Variants in MMP16 observed in about 807,000 individuals in gnomAD.
MMP16 encodes matrix metalloproteinase-16.
A neutral mutation model predicts 67.8 loss-of-function variants in MMP16; 12 were observed. That is an observed-to-expected ratio of 0.18 (90% CI 0.11 to 0.29). The LOEUF (loss-of-function observed/expected upper bound fraction) is 0.29. MMP16 is among the 10% of genes least tolerant of loss of function. The probability of loss-of-function intolerance (pLI) is 1.00; values close to 1 mark genes in which losing one functional copy is unlikely to be tolerated. For missense variants in MMP16, 475 were observed against 765.7 expected, an observed-to-expected ratio of 0.62 and a Z score of 4.48; for synonymous variants, 249 against 255.9, an observed-to-expected ratio of 0.97 and a Z score of 0.26.
intron 1 of MMP16, among the ~76,000 whole-genome samples, chr8:88,287,049 C>A (rs1317442210): frequency 6.6e-6 from 1 of 152,168 alleles, no homozygotes; most frequent in African/African-American, 2.4e-5. Flanking sequence ...ACTTTCTCCA[C>A]ACTGCAACAT....
intron 4 of MMP16, among the ~76,000 whole-genome samples, chr8:88,159,690 G>A (rs555879660): frequency 6.6e-6 from 1 of 152,244 alleles, no homozygotes; most frequent in African/African-American, 2.4e-5. Context: ...TGGTGAGAGA[G>A]GGCATCCCTG....
chr8:88,086,111 A>C (rs1396940414), intron 6 of MMP16, among the ~76,000 whole-genome samples: 7 of 151,880 alleles, frequency 4.6e-5, no homozygotes, highest in Admixed American at 3.9e-4. Flanking sequence ...CGAGCTGGGG[A>C]GTAAGTGAAA....
chr8:88,224,268 T>G (rs1047906631), intron 1 of MMP16, among the ~76,000 whole-genome samples: 2 of 152,048 alleles, frequency 1.3e-5, no homozygotes, highest in Non-Finnish European at 2.9e-5. Context: ...TCTTAATACC[T>G]CTTTAAGAAT....
chr8:88,250,594 C>A (rs1478842853), intron 1 of MMP16, among the ~76,000 whole-genome samples: 1 of 151,798 alleles, frequency 6.6e-6, no homozygotes, highest in Non-Finnish European at 1.5e-5. Flanking sequence ...TGAACAATAT[C>A]TATCCTATAC....
intron 6 of MMP16, among the ~76,000 whole-genome samples, chr8:88,109,410 TA>T (rs1809296853): frequency 6.6e-6 from 1 of 151,308 alleles, no homozygotes; most frequent in African/African-American, 2.4e-5. Flanking sequence ...AAAGATAAAA[TA>T]AATAAATGCT....
chr8:88,099,160 A>AT (rs892631362), intron 6 of MMP16, among the ~76,000 whole-genome samples: 13 of 151,724 alleles, frequency 8.6e-5, no homozygotes, highest in East Asian at 3.9e-4. Flanking sequence ...GAATATAAGA[A>AT]TTTTTTTATA....
intron 1 of MMP16, among the ~76,000 whole-genome samples, chr8:88,270,402 G>A (rs1810546412): frequency 6.6e-6 from 1 of 152,190 alleles, no homozygotes; most frequent in Non-Finnish European, 1.5e-5. Flanking sequence ...AATAAGGTCT[G>A]CAATAGCGTA....
At chr8:88,314,542 C>T (rs2130073363) in intron 1 of MMP16, among the ~76,000 whole-genome samples, 1 of 152,252 alleles carries the variant, frequency 6.6e-6, no homozygotes, top group Non-Finnish European at 1.5e-5. Context: ...TTCCAGTCTT[C>T]CTTTTAAGTG....
At chr8:88,110,260 C>G (rs555651846) in intron 6 of MMP16, among the ~76,000 whole-genome samples, 1 of 151,304 alleles carries the variant, frequency 6.6e-6, no homozygotes, top group Non-Finnish European at 1.5e-5. Flanking sequence ...CCTTTAATAA[C>G]TAAGAAGCCA....
At chr8:88,070,301 T>C (rs777281506) in intron 7 of MMP16, among the ~76,000 whole-genome samples, 1 of 152,056 alleles carries the variant, frequency 6.6e-6, no homozygotes, top group Non-Finnish European at 1.5e-5. Context: ...AGGTCTTACT[T>C]TGAAGATTTG....
chr8:88,292,376 T>C (rs996601274), intron 1 of MMP16, among the ~76,000 whole-genome samples: 1 of 152,140 alleles, frequency 6.6e-6, no homozygotes, highest in Admixed American at 6.6e-5. Flanking sequence ...CGCATTCAAC[T>C]TCAGAGAGTT....
At chr8:88,157,913 C>T (rs532799100) in intron 4 of MMP16, among the ~76,000 whole-genome samples, 2 of 147,170 alleles carry the variant, frequency 1.4e-5, no homozygotes, top group East Asian at 4.1e-4. Context: ...TAAGTGAGAA[C>T]ATGCAGTGTT....
intron 1 of MMP16, among the ~76,000 whole-genome samples, chr8:88,198,023 T>C (rs965129231): frequency 6.6e-6 from 1 of 152,220 alleles, no homozygotes; most frequent in African/African-American, 2.4e-5. Context: ...TCATGATTTT[T>C]ATCCCCCACC....
intron 1 of MMP16, among the ~76,000 whole-genome samples, chr8:88,289,445 A>G (rs1810886204): frequency 1.3e-5 from 2 of 152,198 alleles, no homozygotes; most frequent in African/African-American, 4.8e-5. Context: ...AACAATTTTC[A>G]CATCAGAGGA....
At chr8:88,249,764 G>C (rs1810176990) in intron 1 of MMP16, among the ~76,000 whole-genome samples, 1 of 152,042 alleles carries the variant, frequency 6.6e-6, no homozygotes, top group African/African-American at 2.4e-5. Context: ...ACAAAATCAA[G>C]ACTGCAAGGG....
chr8:88,261,976 T>C (rs1042946074), intron 1 of MMP16, among the ~76,000 whole-genome samples: 4 of 152,130 alleles, frequency 2.6e-5, no homozygotes, highest in Non-Finnish European at 2.9e-5. Context: ...TTAGGTAGAA[T>C]GTTAAGTAAG....
chr8:88,041,623 T>G lies in MMP16; in HGVS notation c.1662A>C (p.Lys554Asn), dbSNP rs1387038010. 6.2e-7 allele frequency: 1 copy of G among 1,614,170 alleles called. No homozygotes were observed. The highest frequency in any genetic ancestry group is 2.2e-5 in the East Asian group (1 of 44,878). ...SPPDDVDIVI[K>N]LDNTASTVKA... Reference sequence around the variant, plus strand: ...TCACAGTGCTGGCTGTGTTGTCCAGTTTGATGACAATGTCTACATCATCTG... The same window carrying G: ...TCACAGTGCTGGCTGTGTTGTCCAGGTTGATGACAATGTCTACATCATCTG... Residue 554 changes from lysine (K) to asparagine (N), a missense_variant, in exon 10 of 10, where the codon AAA (lysine) becomes AAC (asparagine). Lys to Asn is a moderately conservative substitution (Grantham distance 94). Around this residue, in one of 5 missense-constraint regions of MMP16, gnomAD observed 80 missense variants for 93.4 expected, o/e 0.86. Coordinates refer to ENST00000286614, the MANE Select transcript of MMP16 (RefSeq NM_005941.5). The surrounding 1 kb of genome is among the most constrained non-coding windows in gnomAD (Gnocchi z 6.0).
chr8:88,139,490 A>G (rs1808175592), intron 4 of MMP16, among the ~76,000 whole-genome samples: 1 of 152,030 alleles, frequency 6.6e-6, no homozygotes, highest in African/African-American at 2.4e-5. Flanking sequence ...GAAAAAAGAG[A>G]CATGCCATTT....
intron 6 of MMP16, among the ~76,000 whole-genome samples, chr8:88,079,307 G>A (rs1012350024): frequency 2.6e-5 from 4 of 152,254 alleles, no homozygotes; most frequent in Non-Finnish European, 4.4e-5. Flanking sequence ...TTTTGAGAGA[G>A]AGACCATATA....
Sources: gnomAD v4.1 joint callset for allele counts (sites outside exome capture counted in the v4.1 genomes callset) on GRCh38, gnomAD v4.1.1 for gene constraint, gnomAD v4.1.1 regional missense constraint, Gnocchi (gnomAD v3.1) non-coding constraint, MANE v1.5 for transcripts, NCBI Gene and HGNC (gene_info 2026-07-23, HGNC 2026-07-21) for gene names.